The following ZNF324B variants were observed in gnomAD, a reference collection of about 807,000 sequenced individuals.
ZNF324B encodes the protein zinc finger protein 324B.
ZNF324B carries 7 observed loss-of-function variants against 10.6 expected under a neutral mutation model. The observed-to-expected ratio is 0.66, with a 90% confidence interval of 0.38 to 1.24. The LOEUF is 1.24. Ranked by LOEUF, ZNF324B falls within the 50% of genes most tolerant of loss-of-function variation. The pLI is 0.02. For synonymous variants in ZNF324B, 316 were observed against 321.0 expected (o/e 0.98, Z 0.17); for missense variants, 640 against 764.7 (o/e 0.84, Z 1.92).
In ZNF324B at chr19:58,455,909, T is replaced by G. The variant is rs1183802605; in HGVS notation, c.965T>G (p.Phe322Cys). The G allele has an allele frequency of 1.9e-6, 3 of 1,605,188 alleles. No homozygotes were observed. Among genetic ancestry groups the G allele is most frequent in the South Asian group, 1.1e-5 (1 of 90,604 alleles). The change falls in exon 4 of 4, where the codon TTC (phenylalanine) becomes TGC (cysteine). Residue 322 changes from phenylalanine to cysteine, a missense_variant. Physicochemically the swap from Phe to Cys is radical, Grantham distance 205 (BLOSUM62 -2). This residue lies in a region of ZNF324B where 57 missense variants were observed against 118.8 expected (regional missense o/e 0.48). Coordinates refer to ENST00000336614, the MANE Select transcript of ZNF324B (RefSeq NM_207395.3). This position sits in a 1 kb window ranked among gnomAD's most constrained non-coding sequence, Gnocchi z 7.0. Reference sequence around the variant, plus strand: ...GCGTGCCCCGTGTGCGGCAAGGCCTTCCGGCATAGCTCCTCGCTGGTGCGG... The same window carrying G: ...GCGTGCCCCGTGTGCGGCAAGGCCTGCCGGCATAGCTCCTCGCTGGTGCGG... ...PYACPVCGKA[F>C]RHSSSLVRHQ...
At chr19:58,435,218 G>A in the ZNF324B span, 9 of 1,596,864 alleles carry the variant, frequency 5.6e-6, no homozygotes, top group Non-Finnish European at 7.7e-6. Flanking sequence ...GAACCTGAAA[G>A]TAGAGAAATG....
chr19:58,418,776 AT>A, the ZNF324B span: 1 of 151,788 alleles, frequency 6.6e-6, no homozygotes, highest in Non-Finnish European at 1.5e-5. Flanking sequence ...CATCTGACTA[AT>A]TTTAAAAATT....
intron 1 of ZNF324B, chr19:58,452,769 G>A: frequency 1.9e-6 from 1 of 531,522 alleles, no homozygotes; most frequent in Non-Finnish European, 2.4e-6. Context: ...GGCGTGCGGA[G>A]TTACAGCTTG....
the ZNF324B span, chr19:58,437,183 G>C: frequency 1.9e-6 from 3 of 1,608,904 alleles, no homozygotes; most frequent in Non-Finnish European, 2.5e-6. Flanking sequence ...TCTTCAATGT[G>C]GGGACAGCTG....
chr19:58,422,460 A>C, the ZNF324B span, among the ~76,000 whole-genome samples: 3 of 152,182 alleles, frequency 2.0e-5, no homozygotes, highest in Non-Finnish European at 4.4e-5. Flanking sequence ...GAGACTAAGT[A>C]AGTTGTTCCT....
At chr19:58,429,188 G>C in the ZNF324B span, 9 of 152,188 alleles carry the variant, frequency 5.9e-5, no homozygotes, top group Non-Finnish European at 1.2e-4. Flanking sequence ...TACAAAAGCT[G>C]TTCTTTTTAT....
At chr19:58,421,822 G>A in the ZNF324B span, among the ~76,000 whole-genome samples, 3 of 152,218 alleles carry the variant, frequency 2.0e-5, no homozygotes, top group East Asian at 5.8e-4. Flanking sequence ...AGTAAATGAG[G>A]ACATTTACCA....
chr19:58,422,811 A>G, the ZNF324B span, among the ~76,000 whole-genome samples: 3 of 152,214 alleles, frequency 2.0e-5, no homozygotes, highest in Admixed American at 2.0e-4. Context: ...CAAAAAAAAA[A>G]TGATACAAAC....
At chr19:58,437,984 C>A in the ZNF324B span, among the ~76,000 whole-genome samples, 1 of 152,174 alleles carries the variant, frequency 6.6e-6, no homozygotes, top group Non-Finnish European at 1.5e-5. Context: ...ATCCACTGGC[C>A]CCCACCTTGG....
the ZNF324B span, among the ~76,000 whole-genome samples, chr19:58,425,213 G>T: frequency 6.6e-6 from 1 of 150,986 alleles, no homozygotes; most frequent in Non-Finnish European, 1.5e-5. Flanking sequence ...CCGAAATTGC[G>T]CCACTGCACT....
the ZNF324B span, among the ~76,000 whole-genome samples, chr19:58,437,945 C>G: frequency 6.6e-6 from 1 of 152,174 alleles, no homozygotes; most frequent in Admixed American, 6.5e-5. Context: ...TCATAGCTGT[C>G]CTTGCTCTTC....
At chr19:58,427,362 CTT>C in the ZNF324B span, among the ~76,000 whole-genome samples, 2,095 of 39,066 alleles carry the variant, frequency 0.054, 23 homozygotes, top group African/African-American at 0.057. Context: ...TTCTTTCTTT[CTT>C]TCTTTCTTTC....
chr19:58,439,176 C>T, the ZNF324B span, among the ~76,000 whole-genome samples: 26 of 152,332 alleles, frequency 1.7e-4, no homozygotes, highest in African/African-American at 1.4e-4. Flanking sequence ...CCTACCTCCA[C>T]GGGCACCCCT....
chr19:58,439,668 T>A, the ZNF324B span: 1 of 1,362,152 alleles, frequency 7.3e-7, no homozygotes, highest in Non-Finnish European at 9.8e-7. Context: ...CGATCAAGAG[T>A]CCCAGGACAC....
chr19:58,434,497 A>ACTT, the ZNF324B span: 1 of 1,614,156 alleles, frequency 6.2e-7, no homozygotes, highest in Non-Finnish European at 8.5e-7. Context: ...ATAATATTTT[A>ACTT]CTTCAGTGTG....
In ZNF324B at chr19:58,455,451, C is replaced by G. The variant is rs1329684075; in HGVS notation, c.507C>G (p.Pro169=). 6.2e-7 allele frequency: 1 copy of G among 1,614,016 alleles called. No individual in the cohort carries two copies. The highest frequency in any genetic ancestry group is 8.5e-7 in the Non-Finnish European group (1 of 1,179,998). Residue 169 remains proline, a synonymous_variant, in exon 4 of 4, where the codon CCC becomes CCG. Transcript: ENST00000336614. This position sits in a 1 kb window ranked among gnomAD's most constrained non-coding sequence, Gnocchi z 7.0. ...GACTGACCTCCCCACTCAGGCCCCC[C>G]AAGAGCAGCCGGCCCAGGGAAAAGA... ...SLRLTSPLRP[P]KSSRPREKTF...
the ZNF324B span, chr19:58,430,457 C>CAA: frequency 6.6e-6 from 1 of 152,236 alleles, no homozygotes; most frequent in Non-Finnish European, 1.5e-5. Context: ...TAATACAGTG[C>CAA]CGCCTAAGAT....
chr19:58,442,161 C>CTTTTTTTTTTTTTTTTTT, the ZNF324B span: 8 of 95,000 alleles, frequency 8.4e-5, 2 homozygotes, highest in African/African-American at 4.5e-4. Flanking sequence ...TGTTACAGTT[C>CTTTTTTTTTTTTTTTTTT]TTTTTTTTTT....
upstream of ZNF324B, chr19:58,451,544 C>T (rs1178220441): frequency 1.2e-5 from 6 of 508,504 alleles, no homozygotes; most frequent in East Asian, 3.5e-4. Context: ...CCACATAACC[C>T]AGAAGGCTGT....
Sources: allele counts gnomAD v4.1 joint callset (sites outside exome capture counted in the v4.1 genomes callset), GRCh38; gene constraint gnomAD v4.1.1; regional missense constraint gnomAD v4.1.1; non-coding constraint Gnocchi (gnomAD v3.1); transcripts MANE v1.5; gene names NCBI Gene and HGNC (gene_info 2026-07-23, HGNC 2026-07-21).